The following PDLIM5 variants were observed in gnomAD, a reference collection of about 807,000 sequenced individuals.
The protein encoded by PDLIM5 is PDZ and LIM domain 5.
In PDLIM5, 34 loss-of-function variants were observed where a neutral mutation model predicts 64.2. The observed-to-expected ratio is 0.53, with a 90% CI of 0.40 to 0.71. The LOEUF (loss-of-function observed/expected upper bound fraction) is 0.71. Among genes scored for constraint, PDLIM5 ranks in the 30% least tolerant of loss-of-function variants. The pLI is 0.00. For synonymous variants in PDLIM5, 253 were observed against 269.1 expected, an observed-to-expected ratio of 0.94 and a Z score of 0.59; for missense variants, 683 against 733.6, an observed-to-expected ratio of 0.93 and a Z score of 0.80.
chr4:94,630,582 A>C (rs6532492), intron 8 of PDLIM5, among the ~76,000 whole-genome samples: 149,619 of 152,064 alleles, frequency 0.98, 73,634 homozygotes, highest in East Asian at 1. Flanking sequence ...GCCATGTTGT[A>C]CAGGCTGGTC....
At chr4:94,650,204 G>T (rs1340485290) in intron 9 of PDLIM5, among the ~76,000 whole-genome samples, 1 of 152,124 alleles carries the variant, frequency 6.6e-6, no homozygotes, top group Non-Finnish European at 1.5e-5. Context: ...CTTCCTGCTT[G>T]TGTCTTTGTG....
intron 3 of PDLIM5, among the ~76,000 whole-genome samples, chr4:94,530,394 T>C (rs1021602453): frequency 3.9e-5 from 6 of 152,162 alleles, no homozygotes; most frequent in African/African-American, 1.4e-4. Flanking sequence ...CTGCTCACTT[T>C]AAGGTGAAAG....
intron 9 of PDLIM5, 104 bp from the exon 10 acceptor site, chr4:94,654,356 A>G: frequency 1.3e-6 from 1 of 744,222 alleles, no homozygotes; most frequent in South Asian, 1.7e-5. Flanking sequence ...AGGAAAATTG[A>G]GCAAGTATTT....
intron 8 of PDLIM5, among the ~76,000 whole-genome samples, chr4:94,625,607 C>T (rs887631407): frequency 1.6e-4 from 24 of 152,056 alleles, no homozygotes; most frequent in African/African-American, 5.1e-4. Context: ...CGCCCGCCAC[C>T]ATGCCCGGCT....
intron 3 of PDLIM5, among the ~76,000 whole-genome samples, chr4:94,538,488 G>T (rs1185927520): frequency 6.6e-6 from 1 of 152,098 alleles, no homozygotes; most frequent in African/African-American, 2.4e-5. Context: ...GGTGGAGGAG[G>T]GAAGGAAGAA....
intron 2 of PDLIM5, among the ~76,000 whole-genome samples, chr4:94,468,137 C>T (rs997032224): frequency 6.6e-6 from 1 of 151,916 alleles, no homozygotes; most frequent in African/African-American, 2.4e-5. Context: ...CTTGATGGAA[C>T]TTTCACTTTT....
chr4:94,595,365 A>G (rs17336353), intron 7 of PDLIM5, among the ~76,000 whole-genome samples: 30,236 of 152,186 alleles, frequency 0.2, 3,156 homozygotes, highest in African/African-American at 0.22. Flanking sequence ...AAACAATTCA[A>G]ACTCAGGTTA....
chr4:94,626,940 A>G (rs1360172705), intron 8 of PDLIM5, among the ~76,000 whole-genome samples: 1 of 152,158 alleles, frequency 6.6e-6, no homozygotes, highest in Non-Finnish European at 1.5e-5. Context: ...AAAGGAAATT[A>G]CTGTTTCTAC....
At chr4:94,539,176 C>T (rs1731561948) in intron 3 of PDLIM5, among the ~76,000 whole-genome samples, 2 of 152,092 alleles carry the variant, frequency 1.3e-5, no homozygotes, top group Non-Finnish European at 2.9e-5. Context: ...AAGCTTGAAA[C>T]GATTGTACAA....
Position 94,665,377 on chromosome 4 carries a change from G to A in PDLIM5, c.*1310G>A. 1 of 296,350 alleles carries A rather than the reference G, an allele frequency of 3.4e-6. No individual in the cohort carries two copies. Among genetic ancestry groups the A allele is most frequent in the African/African-American group, 2.3e-5 (1 of 43,692 alleles). The allele number at this position is 296,350 out of a possible 1,614,324, so 18.4% of individuals were successfully genotyped here. ...CGTGCCTGTAGTCCCATGTACTTGG[G>A]AGGCTGAGGCAGGAAAATTCTTGAA... On this transcript the variant is annotated 3_prime_UTR_variant, in exon 13 of 13. Transcript: ENST00000317968.
intron 7 of PDLIM5, among the ~76,000 whole-genome samples, chr4:94,607,873 A>G (rs1335653636): frequency 1.3e-5 from 2 of 152,202 alleles, no homozygotes; most frequent in African/African-American, 4.8e-5. Flanking sequence ...AAAACAGCCC[A>G]TATTTTGTGG....
chr4:94,590,360 T>C (rs1736581107), intron 7 of PDLIM5, among the ~76,000 whole-genome samples: 1 of 152,212 alleles, frequency 6.6e-6, no homozygotes, highest in Non-Finnish European at 1.5e-5. Flanking sequence ...TTGTAATTAT[T>C]GTGTTTCTGA....
At chr4:94,542,307 C>CAAATAAAT (rs547938931) in intron 3 of PDLIM5, among the ~76,000 whole-genome samples, 19 of 150,198 alleles carry the variant, frequency 1.3e-4, no homozygotes, top group Admixed American at 4.0e-4. Context: ...GTGAAACTGT[C>CAAATAAAT]AAATAAATAA....
intron 2 of PDLIM5, among the ~76,000 whole-genome samples, chr4:94,484,447 T>C (rs1038618830): frequency 3.9e-5 from 6 of 152,206 alleles, no homozygotes; most frequent in Admixed American, 6.5e-5. Flanking sequence ...TTTGCGTGGA[T>C]CACTATATAT....
chr4:94,458,296 C>G (rs1476809524), intron 2 of PDLIM5, among the ~76,000 whole-genome samples: 1 of 152,058 alleles, frequency 6.6e-6, no homozygotes, highest in African/African-American at 2.4e-5. Context: ...AACCTGAAAG[C>G]ATGCTTAAAA....
At chr4:94,513,891 A>G (rs994861882) in intron 2 of PDLIM5, among the ~76,000 whole-genome samples, 1 of 152,042 alleles carries the variant, frequency 6.6e-6, no homozygotes, top group Non-Finnish European at 1.5e-5. Flanking sequence ...ATGTTGTGGT[A>G]TGTTCCTCTA....
chr4:94,459,424 C>T (rs1177163772), intron 2 of PDLIM5, among the ~76,000 whole-genome samples: 1 of 152,162 alleles, frequency 6.6e-6, no homozygotes, highest in Non-Finnish European at 1.5e-5. Flanking sequence ...TAAGCTTGGA[C>T]AAAATTCTAA....
chr4:94,493,000 A>G (rs1467788661), intron 2 of PDLIM5, among the ~76,000 whole-genome samples: 1 of 152,150 alleles, frequency 6.6e-6, no homozygotes, highest in African/African-American at 2.4e-5. Context: ...GCAGTGTATG[A>G]GGGCTGCACT....
At chr4:94,534,352 T>C (rs1042468686) in intron 3 of PDLIM5, among the ~76,000 whole-genome samples, 1 of 152,236 alleles carries the variant, frequency 6.6e-6, no homozygotes, top group African/African-American at 2.4e-5. Context: ...TTTAAAACCC[T>C]TCCTCAGGAC....
Sources: allele counts gnomAD v4.1 joint callset (sites outside exome capture counted in the v4.1 genomes callset), GRCh38; gene constraint gnomAD v4.1.1; transcripts MANE v1.5; gene names NCBI Gene and HGNC (gene_info 2026-07-23, HGNC 2026-07-21).